Variants in ARFGEF2 observed in about 807,000 individuals in gnomAD.
ARFGEF2 encodes brefeldin A-inhibited guanine nucleotide-exchange protein 2.
Under a neutral mutation model 219.9 loss-of-function variants are expected in ARFGEF2, and 74 were observed. The observed-to-expected ratio is 0.34, with a 90% CI of 0.28 to 0.41. The LOEUF (loss-of-function observed/expected upper bound fraction) is 0.41. Ranked by LOEUF, ARFGEF2 falls within the 10% of genes least tolerant of loss-of-function variation. The pLI is 1.00. For missense variants in ARFGEF2, 1,743 were observed against 2,218.3 expected (o/e 0.79, Z 4.30); for synonymous variants, 733 against 799.2 (o/e 0.92, Z 1.40).
chr20:48,995,691 C>A, intron 22 of ARFGEF2, 92 bp from the exon 23 acceptor site: 2 of 1,070,806 alleles, frequency 1.9e-6, no homozygotes, highest in Middle Eastern at 2.0e-4. Context: ...CCATTTATGT[C>A]CCCTGTCCCT....
In ARFGEF2 at chr20:48,972,398, A is replaced by T; in HGVS notation, c.1498A>T (p.Ile500Phe). The change falls in exon 11 of 39, where the codon ATT becomes TTT. Residue 500 changes from isoleucine to phenylalanine, a missense_variant. Physicochemically the swap from Ile to Phe is conservative, Grantham distance 21. Around this residue, in one of 5 missense-constraint regions of ARFGEF2, gnomAD observed 666 missense variants for 955.4 expected, o/e 0.70. Transcript: ENST00000371917. ...TSSFEHRWMVIQTLTRICADA... is the reference protein window; with the variant it reads ...TSSFEHRWMVFQTLTRICADA... Reference sequence around the variant, plus strand: ...TTCTTTTGAGCACAGGTGGATGGTCATTCAGACTCTGACGAGGATCTGTGC... The same window carrying T: ...TTCTTTTGAGCACAGGTGGATGGTCTTTCAGACTCTGACGAGGATCTGTGC... 1 of 1,614,102 alleles carries T rather than the reference A, an allele frequency of 6.2e-7. No individual in the cohort carries two copies.
chr20:48,984,462 G>A (rs902897111), intron 14 of ARFGEF2, among the ~76,000 whole-genome samples: 2 of 152,196 alleles, frequency 1.3e-5, no homozygotes, highest in African/African-American at 4.8e-5. Context: ...CCACATGGCA[G>A]TGTGTCCAGC....
intron 1 of ARFGEF2, among the ~76,000 whole-genome samples, chr20:48,933,188 T>C (rs2090923843): frequency 6.6e-6 from 1 of 152,196 alleles, no homozygotes; most frequent in Admixed American, 6.5e-5. Flanking sequence ...TGGAAATTGT[T>C]GCTAATTGCC....
At chr20:49,030,052 C>T (rs991265588) in intron 37 of ARFGEF2, among the ~76,000 whole-genome samples, 4 of 151,664 alleles carry the variant, frequency 2.6e-5, no homozygotes, top group South Asian at 4.2e-4. Context: ...GGACTACAGG[C>T]GTGTGCCATC....
chr20:48,921,831 T>G lies in ARFGEF2; in HGVS notation c.-59T>G, dbSNP rs2090841822. ...CGGGACGCCGGGCCCGCAGCCTAGC[T>G]CGCCATCTCGCTCACGCCGCCCGCC... On this transcript the variant is annotated 5_prime_UTR_variant, in exon 1 of 39. Transcript: ENST00000371917. 1.4e-6 allele frequency: 2 copies of G among 1,440,076 alleles called. No homozygotes were observed. Among genetic ancestry groups the G allele is most frequent in the Admixed American group, 5.0e-5 (2 of 39,756 alleles). The allele number at this position is 1,440,076 out of a possible 1,614,324, so 89.2% of individuals were successfully genotyped here.
intron 1 of ARFGEF2, among the ~76,000 whole-genome samples, chr20:48,940,328 A>G (rs184884229): frequency 3.7e-4 from 56 of 152,358 alleles, no homozygotes; most frequent in African/African-American, 1.2e-3. Context: ...ATTTTAGGTT[A>G]TGTATATTTT....
chr20:49,028,432 T>C lies in ARFGEF2; in HGVS notation c.4925-98T>C. 4.5e-6 allele frequency: 6 copies of C among 1,337,288 alleles called. No homozygotes were observed. The South Asian group carries it at 7.1e-5, about 16-fold the overall frequency. The allele number at this position is 1,337,288 out of a possible 1,614,324, so 82.8% of individuals were successfully genotyped here. On this transcript the variant is annotated intron_variant, in intron 36 of 38. Coordinates refer to ENST00000371917, the MANE Select transcript of ARFGEF2 (RefSeq NM_006420.3). The stretch of plus-strand genomic sequence containing the variant: ...AAGACTATCTCAAGAAAAAAACAGA[T>C]GTTTCATATTTCATAAAATAACTAG...
chr20:48,974,600 A>ACT (rs1297038341), intron 12 of ARFGEF2, among the ~76,000 whole-genome samples, 166 bp from the exon 13 acceptor site: 1 of 152,144 alleles, frequency 6.6e-6, no homozygotes, highest in African/African-American at 2.4e-5. Context: ...TTTGCAATGT[A>ACT]TCCTTGATAC....
At chr20:48,960,401 G>A (rs1487879460) in intron 6 of ARFGEF2, among the ~76,000 whole-genome samples, 1 of 152,180 alleles carries the variant, frequency 6.6e-6, no homozygotes, top group Non-Finnish European at 1.5e-5. Flanking sequence ...GTGAGTGAAT[G>A]TGAAGGCCTG....
At chr20:49,026,263 G>A (rs758200800) in intron 36 of ARFGEF2, among the ~76,000 whole-genome samples, 5 of 152,128 alleles carry the variant, frequency 3.3e-5, no homozygotes, top group East Asian at 1.9e-4. Flanking sequence ...CCTAGGAGGT[G>A]GAGGTTGCAG....
At position 48,991,131 on chromosome 20, in the gene ARFGEF2, A is replaced by C; in HGVS notation, c.2906A>C (p.Asp969Ala). 6.2e-7 allele frequency: 1 copy of C among 1,614,162 alleles called. No individual in the cohort carries two copies. Residue 969 changes from aspartate to alanine, a missense_variant, in exon 21 of 39, where the codon GAC becomes GCC. Coordinates refer to ENST00000371917, the MANE Select transcript of ARFGEF2 (RefSeq NM_006420.3). ...SITEMKQKNIDTIKTLITVAH... is the reference protein window; with the variant it reads ...SITEMKQKNIATIKTLITVAH... ...ACAGAAATGAAGCAGAAAAACATCG[A>C]CACCATTAAGACGCTTATCACAGTG...
In ARFGEF2 at chr20:49,035,423, A is replaced by T. The variant is rs968859821; in HGVS notation, c.*2224A>T. 1 of 152,242 alleles carries T rather than the reference A, an allele frequency of 6.6e-6. No homozygotes were observed. The highest frequency in any genetic ancestry group is 2.4e-5 in the African/African-American group (1 of 41,476). 9.4% of individuals were successfully genotyped at this position (152,242 alleles called of 1,614,324 possible). ...TGAATTGTACCAGCAATGGACTTTT[A>T]AAAAATTGGATGTAAAACCATTCAG... On this transcript the variant is annotated 3_prime_UTR_variant, in exon 39 of 39. Coordinates refer to ENST00000371917, the MANE Select transcript of ARFGEF2 (RefSeq NM_006420.3).
intron 8 of ARFGEF2, among the ~76,000 whole-genome samples, chr20:48,967,746 C>T (rs970285269): frequency 6.6e-6 from 1 of 152,148 alleles, no homozygotes; most frequent in African/African-American, 2.4e-5. Context: ...CTCTCAATAC[C>T]CATTTTCCCA....
intron 37 of ARFGEF2, among the ~76,000 whole-genome samples, chr20:49,029,302 A>G (rs1049978481): frequency 3.3e-5 from 5 of 152,210 alleles, no homozygotes; most frequent in African/African-American, 1.2e-4. Flanking sequence ...TGTGGTAAGA[A>G]TGCACTCTCC....
Position 48,987,286 on chromosome 20 carries a change from T to C in ARFGEF2, c.2277-1018T>C, listed in dbSNP as rs527765155. ...TTCATCTCATATTAAAAGACCTTTG[T>C]TGTGTTCTTCAAAATTTCTACTGTT... is the stretch of plus-strand genomic sequence containing the variant. On this transcript the variant is annotated intron_variant, in intron 16 of 38. Transcript: ENST00000371917. Among the ~76,000 whole-genome samples the C allele has an allele frequency of 1.1e-4, 16 of 152,346 alleles. 3 individuals carry two copies. In the South Asian group the frequency reaches 3.3e-3, roughly 32 times the overall value.
In ARFGEF2 at chr20:48,966,004, TGTC is replaced by T. The variant is rs759347806; in HGVS notation, c.1044_1046del (p.Ser349del). ...GGGATAGCCGATGACAGGCAGTCCTTGTCGTCAGCAGATAATCTGGTATGTTGG... is the reference window on the plus strand; with the variant it reads ...GGGATAGCCGATGACAGGCAGTCCTTGTCAGCAGATAATCTGGTATGTTGG... On this transcript the variant is annotated inframe_deletion, in exon 8 of 39. Coordinates refer to ENST00000371917, the MANE Select transcript of ARFGEF2 (RefSeq NM_006420.3). 6.2e-7 allele frequency: 1 copy of T among 1,613,998 alleles called. No homozygotes were observed. Among genetic ancestry groups the T allele is most frequent in the Non-Finnish European group, 8.5e-7 (1 of 1,179,954 alleles).
At chr20:48,964,964 C>A (rs1330323375) in intron 7 of ARFGEF2, among the ~76,000 whole-genome samples, 2 of 152,118 alleles carry the variant, frequency 1.3e-5, no homozygotes, top group Non-Finnish European at 2.9e-5. Flanking sequence ...TACTGGGATA[C>A]AGTTTTATAA....
Position 49,033,936 on chromosome 20 carries a change from T to A in ARFGEF2, c.*737T>A, listed in dbSNP as rs924934754. On this transcript the variant is annotated 3_prime_UTR_variant, in exon 39 of 39. Coordinates refer to ENST00000371917, the MANE Select transcript of ARFGEF2 (RefSeq NM_006420.3). ...AAAGTCTACACGAAAAAGTGAACAA[T>A]TTAATGAAGATGATTAGCCTTCCTT... The A allele has an allele frequency of 1.3e-5, 2 of 152,268 alleles. No individual in the cohort carries two copies. The highest frequency in any genetic ancestry group is 4.8e-5 in the African/African-American group (2 of 41,460). 9.4% of individuals were successfully genotyped at this position (152,268 alleles called of 1,614,324 possible).
At position 48,966,056 on chromosome 20, in the gene ARFGEF2, G is replaced by A. The variant is rs1166286927; in HGVS notation, c.1059+33G>A. 3 of 1,613,330 alleles carry A rather than the reference G, an allele frequency of 1.9e-6. No homozygotes were observed. In the Admixed American group the frequency reaches 5.0e-5, roughly 27 times the overall value. ...GGTGATCATCCTCTGTGGACTTATT[G>A]CCATTTTTACTTTTTCAAAAGATGC... On this transcript the variant is annotated intron_variant, in intron 8 of 38. Transcript: ENST00000371917.
Sources: gnomAD v4.1 joint callset for allele counts (sites outside exome capture counted in the v4.1 genomes callset) on GRCh38, gnomAD v4.1.1 for gene constraint, gnomAD v4.1.1 regional missense constraint, MANE v1.5 for transcripts, NCBI Gene and HGNC (gene_info 2026-07-23, HGNC 2026-07-21) for gene names.